Variants in AP3D1 observed in about 807,000 individuals in gnomAD.
AP3D1 encodes the protein AP-3 complex subunit delta-1.
In AP3D1, 51 loss-of-function variants were observed where a neutral mutation model predicts 147.6. That is an observed-to-expected ratio of 0.35 (90% CI 0.28 to 0.44). The LOEUF is 0.44. Among genes scored for constraint, AP3D1 ranks in the 20% least tolerant of loss-of-function variants. AP3D1 has a pLI of 1.00. For missense variants in AP3D1, 1,421 were observed against 1,624.2 expected, an observed-to-expected ratio of 0.87 and a Z score of 2.15; for synonymous variants, 760 against 663.0, an observed-to-expected ratio of 1.15 and a Z score of -2.25.
At chr19:2,151,860 G>A (rs2019533098), upstream of AP3D1, among the ~76,000 whole-genome samples, 1 of 152,258 alleles carries the variant, frequency 6.6e-6, no homozygotes, top group South Asian at 2.1e-4. Context: ...CAGCTGACAG[G>A]TGTGAGCGTG....
intron 1 of AP3D1, among the ~76,000 whole-genome samples, chr19:2,162,098 C>T (rs567359343): frequency 2.0e-3 from 299 of 146,740 alleles, no homozygotes; most frequent in Non-Finnish European, 3.7e-3. Context: ...TGCAGTGGCA[C>T]GATCTCGGGT....
chr19:2,159,223 T>G (rs528620438), intron 1 of AP3D1, among the ~76,000 whole-genome samples: 1 of 145,068 alleles, frequency 6.9e-6, no homozygotes, highest in Non-Finnish European at 1.5e-5. Context: ...CTCTCTCTCT[T>G]TTTTTTTTTT....
At chr19:2,123,501 G>T in intron 10 of AP3D1, 95 bp from the exon 11 acceptor site, 1 of 1,321,932 alleles carries the variant, frequency 7.6e-7, no homozygotes, top group Non-Finnish European at 1.1e-6. Context: ...CTGGCCTAAG[G>T]CCCGGCGTCA....
intron 5 of AP3D1, among the ~76,000 whole-genome samples, chr19:2,131,821 G>A (rs34352198): frequency 0.021 from 1,999 of 95,554 alleles, 36 homozygotes; most frequent in Middle Eastern, 0.065. Flanking sequence ...AGACACCTCC[G>A]GGCGGACAGG....
chr19:2,117,474 CT>C lies in AP3D1; in HGVS notation c.1714-108del, dbSNP rs2018491076. On this transcript the variant is annotated intron_variant, in intron 15 of 31. Transcript: ENST00000643116. ...CCTGGCACAGTGACGTGTGGGCCCCCTGGTACAGCCACATAGCCACAGAGAG... is the reference window on the plus strand; with the variant it reads ...CCTGGCACAGTGACGTGTGGGCCCCCGGTACAGCCACATAGCCACAGAGAG... The C allele has an allele frequency of 3.8e-5, 47 of 1,236,758 alleles. 1 individual carries two copies. In the South Asian group the frequency reaches 5.6e-4, roughly 15 times the overall value. The allele number at this position is 1,236,758 out of a possible 1,614,324, so 76.6% of individuals were successfully genotyped here.
chr19:2,161,903 C>CT (rs2019701559), intron 1 of AP3D1, among the ~76,000 whole-genome samples: 1 of 151,686 alleles, frequency 6.6e-6, no homozygotes, highest in Non-Finnish European at 1.5e-5. Flanking sequence ...GACTGGAGAT[C>CT]CCAGTCACTA....
chr19:2,110,056 C>T (rs998065277), intron 28 of AP3D1, 80 bp downstream of exon 28: 3 of 1,588,966 alleles, frequency 1.9e-6, no homozygotes, highest in Non-Finnish European at 1.7e-6. Context: ...CTAGGGACAC[C>T]TGGACACCCA....
rs139520213 is a variant in AP3D1 at position 2,121,273 on chromosome 19, C to T, written c.1140G>A (p.Leu380=). Residue 380 remains leucine, a synonymous_variant, in exon 13 of 32, where the codon CTG becomes CTA. Coordinates refer to ENST00000643116, the MANE Select transcript of AP3D1 (RefSeq NM_001261826.3). ...KKNLMEIVKK[L]MTHVDKAEGT... is the part of the protein sequence containing the mutation. ...CCTCTGCCTTGTCTACGTGGGTCATCAGCTTCTTCACGATCTCCATCAGGT... is the reference window on the plus strand; with the variant it reads ...CCTCTGCCTTGTCTACGTGGGTCATTAGCTTCTTCACGATCTCCATCAGGT... 95 of 1,614,230 alleles carry T rather than the reference C, an allele frequency of 5.9e-5. No individual in the cohort carries two copies. In the African/African-American group the frequency reaches 1.2e-3, roughly 21 times the overall value.
At chr19:2,110,104 G>C (rs781601590) in intron 28 of AP3D1, 32 bp downstream of exon 28, 102 of 1,604,974 alleles carry the variant, frequency 6.4e-5, no homozygotes, top group Non-Finnish European at 8.0e-5. Context: ...CTGCAGAGTC[G>C]GCTCTTCAAC....
At chr19:2,119,677 CAGAT>C (rs1487144861) in intron 14 of AP3D1, among the ~76,000 whole-genome samples, 2 of 86,830 alleles carry the variant, frequency 2.3e-5, no homozygotes, top group Non-Finnish European at 4.1e-5. Flanking sequence ...GCCTGGAAAA[CAGAT>C]AGAGCAAGAC....
At chr19:2,157,298 C>T (rs956091678) in intron 1 of AP3D1, among the ~76,000 whole-genome samples, 46 of 151,374 alleles carry the variant, frequency 3.0e-4, no homozygotes, top group African/African-American at 1.1e-3. Context: ...AAAAATTAGC[C>T]GGGCGTAGTG....
At position 2,110,600 on chromosome 19, in the gene AP3D1, A is replaced by C; in HGVS notation, c.3175+107T>G. On this transcript the variant is annotated intron_variant, in intron 27 of 31. Coordinates refer to ENST00000643116, the MANE Select transcript of AP3D1 (RefSeq NM_001261826.3). ...GTACTGAGGTGCAGCCTGGGGACAA[A>C]GGGGACATGGGGAGGAAGCAACAAG... 2.4e-6 allele frequency: 3 copies of C among 1,239,682 alleles called. No individual in the cohort carries two copies. In the African/African-American group the frequency reaches 4.5e-5, roughly 19 times the overall value. 76.8% of individuals were successfully genotyped at this position (1,239,682 alleles called of 1,614,324 possible).
At chr19:2,126,864 A>G (rs1209751616) in intron 9 of AP3D1, among the ~76,000 whole-genome samples, 2 of 152,058 alleles carry the variant, frequency 1.3e-5, no homozygotes, top group Non-Finnish European at 2.9e-5. Context: ...TCTGCAGGTG[A>G]ATCTTTCATA....
At chr19:2,145,879 G>A (rs1022147934) in intron 1 of AP3D1, among the ~76,000 whole-genome samples, 7 of 152,216 alleles carry the variant, frequency 4.6e-5, no homozygotes, top group Non-Finnish European at 8.8e-5. Flanking sequence ...GAACGCAAGC[G>A]GCTAAACGCC....
intron 11 of AP3D1, 139 bp from the exon 12 acceptor site, chr19:2,122,018 A>G (rs1568288362): frequency 1.5e-5 from 15 of 999,944 alleles, no homozygotes; most frequent in Non-Finnish European, 2.1e-5. Context: ...CAGAGCAAGT[A>G]TCCCAGCTGG....
intron 4 of AP3D1, 87 bp downstream of exon 4, chr19:2,136,924 C>G: frequency 1.6e-6 from 2 of 1,279,420 alleles, no homozygotes; most frequent in Non-Finnish European, 2.2e-6. Flanking sequence ...CACCTGCTGC[C>G]CACAGGAAGA....
intron 31 of AP3D1, among the ~76,000 whole-genome samples, chr19:2,105,937 A>G (rs1331624253): frequency 6.6e-6 from 1 of 152,096 alleles, no homozygotes; most frequent in Non-Finnish European, 1.5e-5. Flanking sequence ...TCTACTAAAG[A>G]GACAAAAAGA....
chr19:2,123,710 G>T, intron 10 of AP3D1, 120 bp downstream of exon 10: 1 of 1,264,648 alleles, frequency 7.9e-7, no homozygotes, highest in Non-Finnish European at 1.1e-6. Context: ...GCCCTCCCAA[G>T]CCGCAAGATG....
Position 2,151,375 on chromosome 19 carries a change from T to G in AP3D1, c.-41A>C. 7.0e-7 allele frequency: 1 copy of G among 1,436,764 alleles called. No homozygotes were observed. Among genetic ancestry groups the G allele is most frequent in the Non-Finnish European group, 9.3e-7 (1 of 1,076,496 alleles). 89.0% of individuals were successfully genotyped at this position (1,436,764 alleles called of 1,614,324 possible). A position where few individuals can be genotyped will look rare whatever the true frequency, so the allele number is the denominator to read the frequency against. On this transcript the variant is annotated 5_prime_UTR_variant, in exon 1 of 32. Transcript: ENST00000643116. ...GCTTTTGCCTCGGGAGGCCCGCGGC[T>G]GGGCGCCGTGAGGGGGCCCGGGGCC...
Sources: gnomAD v4.1 joint callset for allele counts (sites outside exome capture counted in the v4.1 genomes callset) on GRCh38, gnomAD v4.1.1 for gene constraint, MANE v1.5 for transcripts, NCBI Gene and HGNC (gene_info 2026-07-23, HGNC 2026-07-21) for gene names.